CAMK2D: variants seen among roughly 807,000 people sequenced by gnomAD.
The protein encoded by CAMK2D is calcium/calmodulin-dependent protein kinase type II subunit delta.
A neutral mutation model predicts 84.0 loss-of-function variants in CAMK2D; 37 were observed. The ratio of observed to expected loss-of-function variants is 0.44; its 90% CI spans 0.34 to 0.58. The LOEUF is 0.58. CAMK2D is among the 20% of genes least tolerant of loss of function. CAMK2D has a pLI of 0.02. For missense variants in CAMK2D, 448 were observed against 652.5 expected (o/e 0.69, Z 3.41); for synonymous variants, 202 against 212.5 (o/e 0.95, Z 0.43).
At chr4:113,676,510 C>A (rs945032814) in intron 2 of CAMK2D, among the ~76,000 whole-genome samples, 1 of 152,180 alleles carries the variant, frequency 6.6e-6, no homozygotes, top group South Asian at 2.1e-4. Context: ...CAACTCTATG[C>A]ACTCTTTGAC....
At chr4:113,606,305 C>T (rs2154264438) in intron 4 of CAMK2D, among the ~76,000 whole-genome samples, 2 of 152,056 alleles carry the variant, frequency 1.3e-5, no homozygotes, top group East Asian at 3.9e-4. Context: ...CCCGTCTCTA[C>T]TAAAAATACA....
Position 113,758,425 on chromosome 4 carries a change from T to C in CAMK2D, c.160+895A>G, listed in dbSNP as rs997355961. Reference sequence around the variant, plus strand: ...TAAGAAGCACTTTTGAAAAGACATATTAAATGAGGAAAACTAAACCTAATG... The same window carrying C: ...TAAGAAGCACTTTTGAAAAGACATACTAAATGAGGAAAACTAAACCTAATG... On this transcript the variant is annotated intron_variant, in intron 2 of 20. Transcript: ENST00000511664. 3.9e-5 allele frequency among the ~76,000 whole-genome samples: 6 copies of C among 152,174 alleles called. No individual in the cohort carries two copies. In the East Asian group the frequency reaches 5.8e-4, roughly 15 times the overall value.
intron 2 of CAMK2D, among the ~76,000 whole-genome samples, chr4:113,703,923 C>CTTT (rs11460715): frequency 6.2e-5 from 8 of 129,368 alleles, no homozygotes; most frequent in Admixed American, 7.9e-5. Context: ...TTCTTATGAC[C>CTTT]TTTTTTTTTT....
intron 14 of CAMK2D, 169 bp from the exon 15 acceptor site, chr4:113,503,146 T>C: frequency 1.4e-6 from 1 of 723,084 alleles, no homozygotes. Flanking sequence ...TGATGAAAGA[T>C]CTCCCTGGCG....
At chr4:113,733,497 C>T (rs1021531029) in intron 2 of CAMK2D, among the ~76,000 whole-genome samples, 3 of 152,152 alleles carry the variant, frequency 2.0e-5, no homozygotes, top group African/African-American at 7.2e-5. Flanking sequence ...TACTTCTTTT[C>T]AGCCTGTGAG....
intron 2 of CAMK2D, among the ~76,000 whole-genome samples, chr4:113,676,232 G>C (rs770680704): frequency 2.0e-4 from 31 of 152,126 alleles, no homozygotes; most frequent in Non-Finnish European, 4.0e-4. Flanking sequence ...TCAACACTCA[G>C]CCTGTCAGTT....
intron 4 of CAMK2D, among the ~76,000 whole-genome samples, chr4:113,580,877 GT>G (rs1331440651): frequency 1.5e-5 from 2 of 132,812 alleles, no homozygotes; most frequent in Admixed American, 1.8e-4. Context: ...TGACCTTTCT[GT>G]TTTTTTAAAT....
At chr4:113,571,362 C>T (rs2098752786) in intron 4 of CAMK2D, among the ~76,000 whole-genome samples, 1 of 152,194 alleles carries the variant, frequency 6.6e-6, no homozygotes, top group African/African-American at 2.4e-5. Flanking sequence ...GCAGCATTAA[C>T]AATAGCCAAG....
chr4:113,546,425 T>C (rs1030941267), intron 6 of CAMK2D, among the ~76,000 whole-genome samples: 8 of 152,196 alleles, frequency 5.3e-5, no homozygotes, highest in South Asian at 4.1e-4. Context: ...CCCTTAACCA[T>C]ACCTTTGCTT....
intron 2 of CAMK2D, among the ~76,000 whole-genome samples, chr4:113,694,436 A>G (rs1374779814): frequency 6.6e-6 from 1 of 152,218 alleles, no homozygotes; most frequent in Non-Finnish European, 1.5e-5. Context: ...AAAATGCTTT[A>G]TCTATGTCTC....
chr4:113,662,058 C>G (rs2099235471), intron 2 of CAMK2D, among the ~76,000 whole-genome samples: 2 of 152,134 alleles, frequency 1.3e-5, no homozygotes. Flanking sequence ...TCTTTCTCAT[C>G]TTTACATCAA....
intron 4 of CAMK2D, among the ~76,000 whole-genome samples, chr4:113,598,998 G>A (rs1021992692): frequency 2.6e-5 from 4 of 152,094 alleles, no homozygotes; most frequent in Non-Finnish European, 5.9e-5. Context: ...AAAAATGGAT[G>A]AAAAACCTGA....
intron 2 of CAMK2D, among the ~76,000 whole-genome samples, chr4:113,743,856 TTGAGA>T (rs1355292468): frequency 6.6e-6 from 1 of 152,132 alleles, no homozygotes; most frequent in African/African-American, 2.4e-5. Flanking sequence ...CTTTTTTTTT[TTGAGA>T]TAAGAGTCTC....
Position 113,761,497 on chromosome 4 carries a change from C to G in CAMK2D, c.-429G>C. On this transcript the variant is annotated 5_prime_UTR_variant, in exon 1 of 21. Transcript: ENST00000511664. ...GGAGTAGAAGCAGAGGGGAGGGAGT[C>G]CGAGGGGGCGGAGGTGGAGTGCAGC... The G allele has an allele frequency of 1.9e-6, 2 of 1,047,354 alleles. No homozygotes were observed. Among genetic ancestry groups the G allele is most frequent in the Non-Finnish European group, 2.3e-6 (2 of 866,358 alleles). 64.9% of individuals were successfully genotyped at this position (1,047,354 alleles called of 1,614,324 possible).
chr4:113,528,970 AG>A (rs2098440206), intron 8 of CAMK2D, among the ~76,000 whole-genome samples: 2 of 152,198 alleles, frequency 1.3e-5, no homozygotes, highest in African/African-American at 4.8e-5. Flanking sequence ...GGTAGGTAGC[AG>A]GAAGACAGAG....
intron 16 of CAMK2D, among the ~76,000 whole-genome samples, chr4:113,480,154 G>C (rs1465073396): frequency 6.6e-6 from 1 of 151,982 alleles, no homozygotes; most frequent in African/African-American, 2.4e-5. Flanking sequence ...GTAGAGACAG[G>C]GTTTCACTGT....
At chr4:113,468,393 G>A (rs573092869) in intron 16 of CAMK2D, among the ~76,000 whole-genome samples, 2 of 152,118 alleles carry the variant, frequency 1.3e-5, no homozygotes, top group Non-Finnish European at 2.9e-5. Context: ...AATGTGACTC[G>A]TTTGGCTTAG....
At chr4:113,468,503 G>A (rs1420673405) in intron 16 of CAMK2D, among the ~76,000 whole-genome samples, 2 of 152,202 alleles carry the variant, frequency 1.3e-5, no homozygotes, top group Non-Finnish European at 2.9e-5. Flanking sequence ...CTCTTTAAAG[G>A]AAAGCAGAAG....
chr4:113,681,440 C>T (rs1290907494), intron 2 of CAMK2D, among the ~76,000 whole-genome samples: 1 of 152,188 alleles, frequency 6.6e-6, no homozygotes, highest in Non-Finnish European at 1.5e-5. Context: ...TCCCCTTCCA[C>T]CATGATTGTA....
Sources: gnomAD v4.1 joint callset for allele counts (sites outside exome capture counted in the v4.1 genomes callset) on GRCh38, gnomAD v4.1.1 for gene constraint, MANE v1.5 for transcripts, NCBI Gene and HGNC (gene_info 2026-07-23, HGNC 2026-07-21) for gene names.